Variants in HOXD3 observed in about 807,000 individuals in gnomAD.
The protein encoded by HOXD3 is homeobox D3.
HOXD3 carries 13 observed loss-of-function variants against 32.8 expected under a neutral mutation model. The ratio of observed to expected loss-of-function variants is 0.40; its 90% confidence interval spans 0.26 to 0.63. HOXD3 has a LOEUF of 0.63. HOXD3 is among the 20% of genes least tolerant of loss of function. The pLI is 0.44. For missense variants in HOXD3, 504 were observed against 577.1 expected, an observed-to-expected ratio of 0.87 and a Z score of 1.30; for synonymous variants, 241 against 246.8, an observed-to-expected ratio of 0.98 and a Z score of 0.22.
intron 2 of HOXD3, chr2:176,165,796 G>T (rs1053428017): frequency 6.6e-6 from 1 of 152,022 alleles, no homozygotes; most frequent in Non-Finnish European, 1.5e-5. Flanking sequence ...ATGAGCAAAG[G>T]TACCAAAGGG....
At chr2:176,166,213 T>C (rs1004879870) in intron 2 of HOXD3, among the ~76,000 whole-genome samples, 1 of 152,182 alleles carries the variant, frequency 6.6e-6, no homozygotes, top group African/African-American at 2.4e-5. Context: ...ACTTTTGAGG[T>C]CTGTACACAG....
At chr2:176,162,443 G>C (rs1050109735) in intron 1 of HOXD3, among the ~76,000 whole-genome samples, 1 of 152,184 alleles carries the variant, frequency 6.6e-6, no homozygotes, top group East Asian at 1.9e-4. Context: ...GACAGCTCAC[G>C]GACGCAGCTC....
chr2:176,159,327 C>T (rs576994370), intron 1 of HOXD3, among the ~76,000 whole-genome samples: 1 of 152,270 alleles, frequency 6.6e-6, no homozygotes, highest in East Asian at 1.9e-4. Context: ...AAAGGATGGG[C>T]TCGTAGACGG....
upstream of HOXD3, among the ~76,000 whole-genome samples, chr2:176,155,772 T>C (rs1690630572): frequency 6.6e-6 from 1 of 152,240 alleles, no homozygotes; most frequent in Non-Finnish European, 1.5e-5. Flanking sequence ...GAAGTGTTTG[T>C]GTTGGTGTTT....
In HOXD3 at chr2:176,173,012, A is replaced by G. The variant is rs886298361; in HGVS notation, c.*738A>G. On this transcript the variant is annotated 3_prime_UTR_variant, in exon 4 of 4. Transcript: ENST00000683222. The stretch of plus-strand genomic sequence containing the variant: ...CACAACACACTTTGGTCATTTCTCA[A>G]AAACCACAGTCCTCACCACAGTTTA... 21 of 152,766 alleles carry G rather than the reference A, an allele frequency of 1.4e-4. No individual in the cohort carries two copies. Among genetic ancestry groups the G allele is most frequent in the African/African-American group, 5.1e-4 (21 of 41,580 alleles). The allele number at this position is 152,766 out of a possible 1,614,324, so 9.5% of individuals were successfully genotyped here.
chr2:176,159,857 G>A (rs1363295477), intron 1 of HOXD3, among the ~76,000 whole-genome samples: 1 of 152,222 alleles, frequency 6.6e-6, no homozygotes, highest in Non-Finnish European at 1.5e-5. Context: ...GGATCTGCGG[G>A]TCCTGCCCAG....
intron 1 of HOXD3, among the ~76,000 whole-genome samples, chr2:176,163,092 A>C (rs1690857889): frequency 6.6e-6 from 1 of 152,020 alleles, no homozygotes; most frequent in Admixed American, 6.5e-5. Context: ...CGCAGCGCGA[A>C]GTTAGGAGCC....
In HOXD3 at chr2:176,169,288, C is replaced by A; in HGVS notation, c.174C>A (p.Ser58=). The A allele has an allele frequency of 6.2e-7, 1 of 1,614,144 alleles. No homozygotes were observed. Among genetic ancestry groups the A allele is most frequent in the Non-Finnish European group, 8.5e-7 (1 of 1,180,040 alleles). The change falls in exon 3 of 4, where the codon TCC becomes TCA. Residue 58 remains serine (S), a synonymous_variant. Coordinates refer to ENST00000683222, the MANE Select transcript of HOXD3 (RefSeq NM_006898.5). The part of the protein sequence containing the change: ...QPYPPPAAAS[S]LDTDYPGSAC... Reference sequence around the variant, plus strand: ...ACCCACCCCCTGCTGCTGCCAGCTCCCTGGACACTGACTATCCAGGTTCTG... The same window carrying A: ...ACCCACCCCCTGCTGCTGCCAGCTCACTGGACACTGACTATCCAGGTTCTG...
chr2:176,159,784 C>G (rs2105432824), intron 1 of HOXD3, among the ~76,000 whole-genome samples: 1 of 152,354 alleles, frequency 6.6e-6, no homozygotes, highest in Admixed American at 6.5e-5. Flanking sequence ...CGCAGTCCTC[C>G]TCGCCTTCCT....
At chr2:176,171,431 A>G in intron 3 of HOXD3, 86 bp from the exon 4 acceptor site, 1 of 1,243,958 alleles carries the variant, frequency 8.0e-7, no homozygotes, top group Non-Finnish European at 1.1e-6. Flanking sequence ...GGGAGGAGGA[A>G]AAGAGAACCA....
At chr2:176,168,641 G>A (rs1395708021) in intron 2 of HOXD3, among the ~76,000 whole-genome samples, 1 of 151,704 alleles carries the variant, frequency 6.6e-6, no homozygotes, top group African/African-American at 2.4e-5. Flanking sequence ...AGAGTAGCTG[G>A]GACTCTGAAA....
intron 1 of HOXD3, among the ~76,000 whole-genome samples, chr2:176,163,529 G>T (rs571399912): frequency 1.3e-5 from 2 of 152,274 alleles, no homozygotes; most frequent in South Asian, 4.1e-4. Flanking sequence ...GAAAGCATCT[G>T]ATATATTTAA....
intron 1 of HOXD3, among the ~76,000 whole-genome samples, chr2:176,162,176 C>G (rs1277622033): frequency 6.6e-6 from 1 of 152,268 alleles, no homozygotes; most frequent in Non-Finnish European, 1.5e-5. Flanking sequence ...CGCTTGGCTT[C>G]ATCAGAACTG....
intron 1 of HOXD3, among the ~76,000 whole-genome samples, chr2:176,162,043 G>C (rs938585896): frequency 7.9e-5 from 12 of 152,242 alleles, no homozygotes; most frequent in African/African-American, 2.9e-4. Flanking sequence ...TATGGGGAAA[G>C]AACCTCAAAA....
At chr2:176,157,622 T>C (rs561554679) in intron 1 of HOXD3, among the ~76,000 whole-genome samples, 170 bp downstream of exon 1, 2 of 152,210 alleles carry the variant, frequency 1.3e-5, no homozygotes, top group South Asian at 4.1e-4. Context: ...TTTGCACTTA[T>C]GAAAAATTAC....
At chr2:176,154,940 A>G (rs1326301491), upstream of HOXD3, among the ~76,000 whole-genome samples, 3 of 152,244 alleles carry the variant, frequency 2.0e-5, no homozygotes, top group Non-Finnish European at 4.4e-5. Context: ...CTGAAAAGGT[A>G]TTTTACCGAA....
upstream of HOXD3, among the ~76,000 whole-genome samples, chr2:176,155,021 G>A (rs1022792427): frequency 2.6e-5 from 4 of 152,124 alleles, no homozygotes; most frequent in Admixed American, 6.5e-5. Flanking sequence ...TATTTCAGCC[G>A]GGAGGACTGA....
intron 3 of HOXD3, among the ~76,000 whole-genome samples, chr2:176,170,831 C>T (rs984348085): frequency 1.2e-4 from 19 of 152,028 alleles, no homozygotes; most frequent in Non-Finnish European, 1.8e-4. Flanking sequence ...GGCTGCTGCT[C>T]CTAGCACTGT....
chr2:176,152,705 G>T (rs147639954), upstream of HOXD3: 2 of 1,614,198 alleles, frequency 1.2e-6, no homozygotes, highest in South Asian at 1.1e-5. This position sits in a 1 kb window ranked among gnomAD's most constrained non-coding sequence, Gnocchi z 5.2. Context: ...ATTTTAACAG[G>T]TATCTGACAA....
Sources: gnomAD v4.1 joint callset for allele counts (sites outside exome capture counted in the v4.1 genomes callset) on GRCh38, gnomAD v4.1.1 for gene constraint, Gnocchi (gnomAD v3.1) non-coding constraint, MANE v1.5 for transcripts, NCBI Gene and HGNC (gene_info 2026-07-23, HGNC 2026-07-21) for gene names.